Variants in ZNF277 observed in about 807,000 individuals in gnomAD.
ZNF277 encodes the protein zinc finger protein 277, also known as nuclear receptor-interacting factor 4.
In ZNF277, 55 loss-of-function variants were observed where a neutral mutation model predicts 60.7. The observed-to-expected ratio is 0.91, with a 90% CI of 0.73 to 1.13. ZNF277 has a LOEUF of 1.13. Ranked by LOEUF, ZNF277 falls within the 50% of genes most tolerant of loss-of-function variation. The probability of loss-of-function intolerance (pLI) is 0.00; values close to 1 mark genes in which losing one functional copy is unlikely to be tolerated. For missense variants in ZNF277, 510 were observed against 523.0 expected (o/e 0.98, Z 0.24); for synonymous variants, 178 against 179.3 (o/e 0.99, Z 0.06).
At chr7:112,336,435 G>A (rs531287581) in intron 8 of ZNF277, among the ~76,000 whole-genome samples, 10 of 152,182 alleles carry the variant, frequency 6.6e-5, no homozygotes, top group South Asian at 2.1e-4. Flanking sequence ...AATACATTCC[G>A]AAGTGCTTTG....
rs765324099 is a variant in ZNF277 at position 112,342,520 on chromosome 7, A to G, written c.1185-41A>G. 1.1e-5 allele frequency: 17 copies of G among 1,511,468 alleles called. 2 individuals carry two copies. In the South Asian group the frequency reaches 2.3e-4, roughly 20 times the overall value. The allele number at this position is 1,511,468 out of a possible 1,614,324, so 93.6% of individuals were successfully genotyped here. ...CATTCAGCTACCTGGACACTGTATTAGCTTGGTAATTTAATACTATGTATC... is the reference window on the plus strand; with the variant it reads ...CATTCAGCTACCTGGACACTGTATTGGCTTGGTAATTTAATACTATGTATC... On this transcript the variant is annotated intron_variant, in intron 11 of 11. Coordinates refer to ENST00000361822, the MANE Select transcript of ZNF277 (RefSeq NM_021994.3).
In ZNF277 at chr7:112,222,502, T is replaced by C. The variant is rs1822058220; in HGVS notation, c.91+15695T>C. ...TGCTCATAGTACCCTCATGATCCTT[T>C]GTATTTCTGTGGTATCAGCTGTGAT... On this transcript the variant is annotated intron_variant, in intron 1 of 11. Transcript: ENST00000361822. Among the ~76,000 whole-genome samples the C allele has an allele frequency of 2.0e-5, 3 of 152,228 alleles. No homozygotes were observed. The South Asian group carries it at 6.2e-4, about 31-fold the overall frequency.
chr7:112,304,449 G>T (rs1584394884), intron 4 of ZNF277, among the ~76,000 whole-genome samples: 1 of 151,988 alleles, frequency 6.6e-6, no homozygotes. Context: ...TGGTGTGAGG[G>T]CTTCCAAAAT....
intron 1 of ZNF277, among the ~76,000 whole-genome samples, chr7:112,229,548 T>C (rs1190570735): frequency 6.6e-6 from 1 of 152,204 alleles, no homozygotes; most frequent in Admixed American, 6.5e-5. Context: ...CCAAGTGGTC[T>C]TCAAAAGCAT....
In ZNF277 at chr7:112,339,889, A is replaced by G; in HGVS notation, c.1009+4A>G. ...CTCAAAATAAAGTCAGAACTTGGTA[A>G]GTTTGATTCAGAGGTTTTTTTCTGT... On this transcript the variant is annotated splice_donor_region_variant and intron_variant, in intron 10 of 11. Coordinates refer to ENST00000361822, the MANE Select transcript of ZNF277 (RefSeq NM_021994.3). 2 of 1,609,110 alleles carry G rather than the reference A, an allele frequency of 1.2e-6. No homozygotes were observed. The highest frequency in any genetic ancestry group is 1.7e-6 in the Non-Finnish European group (2 of 1,179,872).
chr7:112,285,125 G>A (rs1434865224), intron 1 of ZNF277, among the ~76,000 whole-genome samples: 4 of 152,070 alleles, frequency 2.6e-5, no homozygotes, highest in Non-Finnish European at 4.4e-5. Context: ...CACCACCTGG[G>A]TTCAAGCAAT....
At chr7:112,224,879 A>C (rs1402832805) in intron 1 of ZNF277, among the ~76,000 whole-genome samples, 1 of 152,156 alleles carries the variant, frequency 6.6e-6, no homozygotes, top group Non-Finnish European at 1.5e-5. Flanking sequence ...GTGGTGGCTC[A>C]CACCTGCAAT....
At chr7:112,244,950 C>A (rs1791049310) in intron 1 of ZNF277, among the ~76,000 whole-genome samples, 1 of 151,994 alleles carries the variant, frequency 6.6e-6, no homozygotes, top group East Asian at 1.9e-4. Context: ...GTGTTCCACC[C>A]TTTGTTAACT....
At chr7:112,276,417 G>A (rs1056324283) in intron 1 of ZNF277, among the ~76,000 whole-genome samples, 1 of 152,124 alleles carries the variant, frequency 6.6e-6, no homozygotes, top group African/African-American at 2.4e-5. Context: ...GACAAAAGAT[G>A]CTACAAAGCT....
At chr7:112,224,572 C>T (rs1264547423) in intron 1 of ZNF277, among the ~76,000 whole-genome samples, 1 of 152,092 alleles carries the variant, frequency 6.6e-6, no homozygotes, top group Non-Finnish European at 1.5e-5. Flanking sequence ...GAAGGCAGGC[C>T]AGGGTAATCA....
At chr7:112,260,428 G>T (rs912084465) in intron 1 of ZNF277, among the ~76,000 whole-genome samples, 1 of 151,970 alleles carries the variant, frequency 6.6e-6, no homozygotes, top group African/African-American at 2.4e-5. Context: ...TATAAATATG[G>T]TTTTCTATAT....
intron 2 of ZNF277, among the ~76,000 whole-genome samples, chr7:112,292,004 C>T (rs1409916923): frequency 6.6e-6 from 1 of 152,042 alleles, no homozygotes; most frequent in African/African-American, 2.4e-5. Context: ...CAACTTTGTT[C>T]CTCTTGGACC....
intron 1 of ZNF277, among the ~76,000 whole-genome samples, chr7:112,262,650 A>G (rs1427096561): frequency 6.6e-6 from 1 of 152,168 alleles, no homozygotes; most frequent in Non-Finnish European, 1.5e-5. Flanking sequence ...ATAGAGGGCT[A>G]CATATTTTTA....
intron 1 of ZNF277, among the ~76,000 whole-genome samples, chr7:112,227,489 T>G (rs1247362788): frequency 6.6e-6 from 1 of 152,070 alleles, no homozygotes; most frequent in Non-Finnish European, 1.5e-5. Context: ...TAAATGCAAT[T>G]TAAACAGTTT....
chr7:112,302,271 A>G (rs1369007799), intron 4 of ZNF277, among the ~76,000 whole-genome samples: 1 of 152,058 alleles, frequency 6.6e-6, no homozygotes, highest in African/African-American at 2.4e-5. Flanking sequence ...TCCCCACAAT[A>G]AAGCCACAAC....
intron 1 of ZNF277, among the ~76,000 whole-genome samples, chr7:112,270,441 T>G (rs1365722539): frequency 6.6e-6 from 1 of 152,160 alleles, no homozygotes; most frequent in Non-Finnish European, 1.5e-5. Flanking sequence ...AAGATCTGTA[T>G]GTATTGCTGA....
At chr7:112,232,042 C>CATATATATATATATAT (rs67934905) in intron 1 of ZNF277, among the ~76,000 whole-genome samples, 25 of 133,240 alleles carry the variant, frequency 1.9e-4, no homozygotes, top group Admixed American at 4.6e-4. Context: ...TAAATAAATA[C>CATATATATATATATAT]ATATATATAT....
At chr7:112,300,063 T>A (rs1239054794) in intron 4 of ZNF277, among the ~76,000 whole-genome samples, 1 of 152,170 alleles carries the variant, frequency 6.6e-6, no homozygotes, top group African/African-American at 2.4e-5. Flanking sequence ...TTGTTATTTT[T>A]CCCCAAACCT....
At position 112,329,283 on chromosome 7, in the gene ZNF277, AC is replaced by A. The variant is rs142457538; in HGVS notation, c.669-800del. 9.4e-3 allele frequency among the ~76,000 whole-genome samples: 1,431 copies of A among 152,292 alleles called. 17 individuals carry two copies. Among genetic ancestry groups the A allele is most frequent in the African/African-American group, 0.032 (1,341 of 41,560 alleles). On this transcript the variant is annotated intron_variant, in intron 6 of 11. Coordinates refer to ENST00000361822, the MANE Select transcript of ZNF277 (RefSeq NM_021994.3). The stretch of plus-strand genomic sequence containing the variant: ...ATGGCTCCAGAAAGTAGAACTCTCT[AC>A]TTTTTACTGAGTAGCAATTATAATA...
Sources: gnomAD v4.1 joint callset for allele counts (sites outside exome capture counted in the v4.1 genomes callset) on GRCh38, gnomAD v4.1.1 for gene constraint, MANE v1.5 for transcripts, NCBI Gene and HGNC (gene_info 2026-07-23, HGNC 2026-07-21) for gene names.